RBMX2: variants seen among roughly 807,000 people sequenced by gnomAD.
The protein encoded by RBMX2 is RNA binding motif protein X-linked 2, also known as RNA-binding motif protein, X-linked 2.
For missense variants in RBMX2, 191 were observed against 256.0 expected (o/e 0.75, Z 1.73); for synonymous variants, 77 against 94.3 (o/e 0.82, Z 1.07).
chrX:130,411,922 A>T (rs979233090), intron 5 of RBMX2, among the ~76,000 whole-genome samples: 3 of 111,107 alleles, frequency 2.7e-5, no homozygotes, highest in African/African-American at 9.8e-5. Flanking sequence ...TGTTCTCCTT[A>T]TGCACATTCC....
Position 130,411,502 on chromosome X carries a change from A to G in RBMX2, c.458A>G (p.Lys153Arg). ...TTGTCTGAGAGCTCTGAAGATGAAA[A>G]ACCAACAAAAAAGCACAAAAAAGGT... The part of the protein sequence containing the change: ...PSLSESSEDE[K>R]PTKKHKKDKK... Residue 153 changes from lysine (K) to arginine (R), a missense_variant, in exon 5 of 6, where the codon AAA (lysine) becomes AGA (arginine). Transcript: ENST00000305536. The G allele has an allele frequency of 8.4e-7, 1 of 1,195,692 alleles. No homozygotes were observed. Among genetic ancestry groups the G allele is most frequent in the Non-Finnish European group, 1.1e-6 (1 of 889,744 alleles).
chrX:130,402,229 T>TCC (rs1603270908), intron 1 of RBMX2, 26 bp from the exon 2 acceptor site: 6 of 726,303 alleles, frequency 8.3e-6, no homozygotes, highest in African/African-American at 8.1e-5. Context: ...CTGCCTACCC[T>TCC]CCCCACCCCC....
Position 130,412,843 on chromosome X carries a change from C to G in RBMX2, c.964C>G (p.His322Asp). Residue 322 changes from histidine (H) to aspartate (D), a missense_variant, in exon 6 of 6, where the codon CAC (histidine) becomes GAC (aspartate). Physicochemically the swap from His to Asp is moderately conservative, Grantham distance 81. Transcript: ENST00000305536. ...ESSNPSDRWR[H>D] ...TTCGAATCCCAGTGACCGTTGGCGT[C>G]ACTGAAGACTTCAGCTGCACAGTAG... is the stretch of plus-strand genomic sequence containing the variant. The G allele has an allele frequency of 8.3e-7, 1 of 1,205,160 alleles. No homozygotes were observed. The highest frequency in any genetic ancestry group is 1.8e-5 in the South Asian group (1 of 55,940).
intron 3 of RBMX2, 57 bp from the exon 4 acceptor site, chrX:130,409,200 T>A: frequency 1.9e-5 from 20 of 1,062,410 alleles, no homozygotes; most frequent in Non-Finnish European, 2.3e-5. Flanking sequence ...TATTACCTTA[T>A]CTGCATGTTT....
chrX:130,405,541 T>A (rs1603271251), intron 3 of RBMX2, among the ~76,000 whole-genome samples: 1 of 110,496 alleles, frequency 9.1e-6, no homozygotes, highest in Non-Finnish European at 1.9e-5. Flanking sequence ...TTATCATTTT[T>A]AAAAAAATGT....
At chrX:130,407,657 TG>T (rs1229917315) in intron 3 of RBMX2, among the ~76,000 whole-genome samples, 8 of 109,726 alleles carry the variant, frequency 7.3e-5, no homozygotes, top group Non-Finnish European at 1.1e-4. Context: ...GTTTTTCTAA[TG>T]TTTTTTCTTT....
chrX:130,411,270 C>A (rs2034510813), intron 4 of RBMX2, 78 bp from the exon 5 acceptor site: 2 of 956,437 alleles, frequency 2.1e-6, no homozygotes, highest in South Asian at 2.8e-5. Flanking sequence ...AATCATGGTT[C>A]TCTGTAGCTT....
intron 2 of RBMX2, 63 bp from the exon 3 acceptor site, chrX:130,403,739 G>A (rs986204926): frequency 9.5e-7 from 1 of 1,048,274 alleles, no homozygotes; most frequent in African/African-American, 1.8e-5. Context: ...CTGGCCTAGT[G>A]CGTGGTATGT....
intron 3 of RBMX2, among the ~76,000 whole-genome samples, chrX:130,406,857 A>C (rs1331203611): frequency 1.8e-5 from 2 of 110,568 alleles, no homozygotes; most frequent in Admixed American, 1.9e-4. Context: ...ATTTTCAGTA[A>C]TTTTGTGTGT....
intron 3 of RBMX2, chrX:130,404,356 A>G (rs1027091654): frequency 8.6e-6 from 1 of 115,989 alleles, no homozygotes; most frequent in Non-Finnish European, 1.8e-5. Context: ...CCCGAAGGGA[A>G]CAAGAATGAA....
chrX:130,410,696 A>G (rs1284842792), intron 4 of RBMX2, among the ~76,000 whole-genome samples: 1 of 111,966 alleles, frequency 8.9e-6, no homozygotes, highest in East Asian at 2.8e-4. Flanking sequence ...CAGAGGGGTT[A>G]ATATTTTGTT....
At chrX:130,409,910 C>T (rs1056318053) in intron 4 of RBMX2, among the ~76,000 whole-genome samples, 1 of 112,438 alleles carries the variant, frequency 8.9e-6, no homozygotes, top group Non-Finnish European at 1.9e-5. Flanking sequence ...TTTTCTCCCC[C>T]CAGTTCCCTC....
intron 3 of RBMX2, among the ~76,000 whole-genome samples, chrX:130,405,525 A>G (rs142314053): frequency 3.3e-3 from 369 of 111,308 alleles, no homozygotes; most frequent in African/African-American, 0.011. Flanking sequence ...GTTTTGGCAT[A>G]TCTCTTTATC....
chrX:130,402,384 CT>C lies in RBMX2; in HGVS notation c.121+17del. ...GGATCTTCCTGGGTGAGGTCCACAT[CT>C]TTCTTCCTCAGTGCTCTCCAGATTC... On this transcript the variant is annotated intron_variant, in intron 2 of 5. Coordinates refer to ENST00000305536, the MANE Select transcript of RBMX2 (RefSeq NM_016024.4). The C allele has an allele frequency of 8.3e-7, 1 of 1,203,732 alleles. No individual in the cohort carries two copies. Among genetic ancestry groups the C allele is most frequent in the Admixed American group, 2.2e-5 (1 of 45,007 alleles).
intron 4 of RBMX2, among the ~76,000 whole-genome samples, chrX:130,410,858 C>T (rs2034509018): frequency 1.8e-5 from 2 of 112,193 alleles, no homozygotes; most frequent in Admixed American, 9.4e-5. Context: ...ATTGGTCTGA[C>T]TTTGCCTCCT....
intron 3 of RBMX2, among the ~76,000 whole-genome samples, chrX:130,407,511 A>G (rs1411252603): frequency 9.0e-6 from 1 of 111,474 alleles, no homozygotes; most frequent in African/African-American, 3.3e-5. Context: ...AGGATGCTGG[A>G]TTTTGGGCTG....
At chrX:130,402,391 C>T (rs907896467) in intron 2 of RBMX2, 21 bp downstream of exon 2, 3 of 1,200,568 alleles carry the variant, frequency 2.5e-6, no homozygotes, top group Non-Finnish European at 2.2e-6. Flanking sequence ...CATCTTTCTT[C>T]CTCAGTGCTC....
rs1405543138 is a variant in RBMX2 at position 130,412,440 on chromosome X, G to A, written c.561G>A (p.Ser187=). Residue 187 remains serine (S), a synonymous_variant, in exon 6 of 6, where the codon TCG becomes TCA. Transcript: ENST00000305536. ...REVQAEQPSS[S]SPRRKTVKEK... ...TACAGGCAGAGCAACCATCCTCTTC[G>A]TCACCCAGACGCAAGACAGTAAAGG... 8 of 1,209,568 alleles carry A rather than the reference G, an allele frequency of 6.6e-6. No individual in the cohort carries two copies. The highest frequency in any genetic ancestry group is 5.3e-5 in the South Asian group (3 of 56,595).
chrX:130,403,120 G>T (rs2034464834), intron 2 of RBMX2, among the ~76,000 whole-genome samples: 1 of 112,111 alleles, frequency 8.9e-6, no homozygotes, highest in Admixed American at 9.4e-5. Context: ...GACATATGTA[G>T]ACTGATTTTG....
Sources: gnomAD v4.1 joint callset for allele counts (sites outside exome capture counted in the v4.1 genomes callset) on GRCh38, gnomAD v4.1.1 for gene constraint, MANE v1.5 for transcripts, NCBI Gene and HGNC (gene_info 2026-07-23, HGNC 2026-07-21) for gene names.